NT5C1B: variants seen among roughly 807,000 people sequenced by gnomAD.
The protein encoded by NT5C1B is 5'-nucleotidase, cytosolic IB.
Under a neutral mutation model 57.8 loss-of-function variants are expected in NT5C1B, and 44 were observed. The observed-to-expected ratio is 0.76, with a 90% CI of 0.60 to 0.98. The LOEUF (loss-of-function observed/expected upper bound fraction) is 0.98. Ranked by LOEUF, NT5C1B falls within the 50% of genes least tolerant of loss-of-function variation. The pLI, the probability that NT5C1B is intolerant of heterozygous loss-of-function variation, is 0.00. For synonymous variants in NT5C1B, 284 were observed against 282.6 expected (o/e 1.00, Z -0.05); for missense variants, 742 against 719.5 (o/e 1.03, Z -0.36).
chr2:18,574,672 A>G (rs1665514098), intron 8 of NT5C1B, among the ~76,000 whole-genome samples: 2 of 152,138 alleles, frequency 1.3e-5, no homozygotes, highest in South Asian at 2.1e-4. Context: ...AAATACTACC[A>G]TTTGTAACAA....
At chr2:18,587,431 C>T (rs1014115006) in intron 2 of NT5C1B, 72 bp downstream of exon 2, 2 of 1,586,708 alleles carry the variant, frequency 1.3e-6, no homozygotes, top group Non-Finnish European at 8.5e-7. Context: ...CCAGAACTCC[C>T]TGCCCCCTAA....
chr2:18,569,724 T>C (rs1664980556), intron 8 of NT5C1B, among the ~76,000 whole-genome samples: 1 of 152,018 alleles, frequency 6.6e-6, no homozygotes, highest in African/African-American at 2.4e-5. Context: ...ACTGATAAAA[T>C]TGAAAGGATA....
At chr2:18,569,149 T>C (rs1364934666) in intron 8 of NT5C1B, among the ~76,000 whole-genome samples, 1 of 152,174 alleles carries the variant, frequency 6.6e-6, no homozygotes, top group African/African-American at 2.4e-5. Flanking sequence ...ACAGTACATA[T>C]GATGTTGTAG....
intron 5 of NT5C1B, chr2:18,583,844 T>C (rs202177197): frequency 2.5e-4 from 172 of 690,662 alleles, no homozygotes; most frequent in Non-Finnish European, 4.3e-4. Context: ...ACAAGTCTCA[T>C]GATTAGGACT....
chr2:18,583,572 T>A (rs1572370524), intron 5 of NT5C1B: 1 of 321,314 alleles, frequency 3.1e-6, no homozygotes, highest in East Asian at 7.7e-5. Context: ...GGTTATGATG[T>A]TATTGTGTAA....
chr2:18,581,465 G>C (rs368593007), intron 6 of NT5C1B, among the ~76,000 whole-genome samples: 4 of 151,856 alleles, frequency 2.6e-5, no homozygotes, highest in Non-Finnish European at 5.9e-5. Context: ...GATAAACTGG[G>C]TAGCTGCACA....
intron 8 of NT5C1B, among the ~76,000 whole-genome samples, chr2:18,565,254 G>C (rs151263073): frequency 6.6e-6 from 1 of 151,804 alleles, no homozygotes; most frequent in Admixed American, 6.6e-5. Context: ...TCATTTGTAC[G>C]GTTGTTTTAG....
chr2:18,586,442 T>C (rs1402633745), intron 2 of NT5C1B, 51 bp from the exon 3 acceptor site: 1 of 1,603,638 alleles, frequency 6.2e-7, no homozygotes, highest in Non-Finnish European at 8.5e-7. Context: ...CACCAACTCC[T>C]TCTATACGTG....
intron 8 of NT5C1B, among the ~76,000 whole-genome samples, chr2:18,567,005 G>C (rs1264115689): frequency 6.6e-6 from 1 of 152,134 alleles, no homozygotes; most frequent in Non-Finnish European, 1.5e-5. Context: ...AGCAATTCAA[G>C]TAATTTCAAA....
chr2:18,587,711 G>A lies in NT5C1B; in HGVS notation c.31-119C>T, dbSNP rs1666847780. 11 of 1,175,696 alleles carry A rather than the reference G, an allele frequency of 9.4e-6. No individual in the cohort carries two copies. The South Asian group carries it at 1.3e-4, about 14-fold the overall frequency. 72.8% of individuals were successfully genotyped at this position (1,175,696 alleles called of 1,614,324 possible). On this transcript the variant is annotated intron_variant, in intron 1 of 8. Transcript: ENST00000304081. ...TTTATTTATTTGCCAATATAAAAAG[G>A]TATAAACTCTAGACCTTAGTTTCCC...
At chr2:18,571,933 A>G (rs1175102039) in intron 8 of NT5C1B, among the ~76,000 whole-genome samples, 1 of 150,760 alleles carries the variant, frequency 6.6e-6, no homozygotes, top group Non-Finnish European at 1.5e-5. Context: ...TAAAAATACA[A>G]AAATTAACTG....
In NT5C1B at chr2:18,584,682, G is replaced by C; in HGVS notation, c.555C>G (p.Ser185=). Residue 185 remains serine, a synonymous_variant, in exon 4 of 9, where the codon TCC becomes TCG. Transcript: ENST00000304081. The surrounding 1 kb of genome is among the most constrained non-coding windows in gnomAD (Gnocchi z 5.8). ...GGTAGATCCCCCTGCGCTGGCTGGA[G>C]GACTTCCACTCGGTGGGGGACGTGC... 6.2e-7 allele frequency: 1 copy of C among 1,612,158 alleles called. No homozygotes were observed. Among genetic ancestry groups the C allele is most frequent in the Non-Finnish European group, 8.5e-7 (1 of 1,178,854 alleles).
chr2:18,584,517 C>G lies in NT5C1B; in HGVS notation c.720G>C (p.Trp240Cys). Reference sequence around the variant, plus strand: ...CAGGGGCGGCGGGCTGGCTCACCGGCCAGGGGCGCGAGCAGCTCGGGTTCT... The same window carrying G: ...CAGGGGCGGCGGGCTGGCTCACCGGGCAGGGGCGCGAGCAGCTCGGGTTCT... Residue 240 changes from tryptophan to cysteine, a missense_variant, in exon 4 of 9, where the codon TGG becomes TGC. Coordinates refer to ENST00000304081, the Ensembl canonical transcript of NT5C1B. The surrounding 1 kb of genome is among the most constrained non-coding windows in gnomAD (Gnocchi z 5.8). 1 of 1,608,598 alleles carries G rather than the reference C, an allele frequency of 6.2e-7. No individual in the cohort carries two copies. Among genetic ancestry groups the G allele is most frequent in the East Asian group, 2.2e-5 (1 of 44,556 alleles).
At chr2:18,570,352 C>A (rs1379013241) in intron 8 of NT5C1B, among the ~76,000 whole-genome samples, 1 of 151,756 alleles carries the variant, frequency 6.6e-6, no homozygotes, top group African/African-American at 2.4e-5. Context: ...CCAAGAAAAA[C>A]AACAACAAAA....
At chr2:18,563,852 C>T (rs1331312609) in exon 9 of NT5C1B, 1 of 1,611,082 alleles carries the variant, frequency 6.2e-7, no homozygotes, top group Non-Finnish European at 8.5e-7. Context: ...AACCTCTGTG[C>T]CCCTTCAATG....
In NT5C1B at chr2:18,584,735, G is replaced by A. The variant is rs373347393; in HGVS notation, c.502C>T (p.Arg168Trp). 32 of 1,613,144 alleles carry A rather than the reference G, an allele frequency of 2.0e-5. No individual in the cohort carries two copies. In the East Asian group the frequency reaches 2.9e-4, roughly 15 times the overall value. ...GAATATTCCAGCGGCTGCGAGTCCC[G>A]GGTCTGGCGGATTTCCCGCACGATG... The change falls in exon 4 of 9, where the codon CGG (arginine) becomes TGG (tryptophan). Residue 168 changes from arginine (R) to tryptophan (W), a missense_variant. Transcript: ENST00000304081. The surrounding 1 kb of genome is among the most constrained non-coding windows in gnomAD (Gnocchi z 5.8).
In NT5C1B at chr2:18,584,401, C is replaced by A; in HGVS notation, c.723+113G>T. The A allele has an allele frequency of 6.6e-7, 1 of 1,525,466 alleles. No individual in the cohort carries two copies. Among genetic ancestry groups the A allele is most frequent in the East Asian group, 2.3e-5 (1 of 42,558 alleles). The allele number at this position is 1,525,466 out of a possible 1,614,324, so 94.5% of individuals were successfully genotyped here. On this transcript the variant is annotated intron_variant, in intron 4 of 8. Transcript: ENST00000304081. This position sits in a 1 kb window ranked among gnomAD's most constrained non-coding sequence, Gnocchi z 5.8. Reference sequence around the variant, plus strand: ...GGAGACAGCTGAGGCTGGGACTCCCCGAAGTTTGGGGAGGAGAAGCGGGAG... The same window carrying A: ...GGAGACAGCTGAGGCTGGGACTCCCAGAAGTTTGGGGAGGAGAAGCGGGAG...
At chr2:18,573,648 T>C (rs1665408887) in intron 8 of NT5C1B, among the ~76,000 whole-genome samples, 1 of 152,032 alleles carries the variant, frequency 6.6e-6, no homozygotes, top group African/African-American at 2.4e-5. Flanking sequence ...GTTTCAGACC[T>C]CTTCCATTTG....
chr2:18,576,268 A>G (rs530185449), exon 8 of NT5C1B: 10 of 1,613,880 alleles, frequency 6.2e-6, no homozygotes, highest in Non-Finnish European at 8.5e-6. Flanking sequence ...GTTCAGACTC[A>G]TCAGAGAAGA....
Sources: allele counts gnomAD v4.1 joint callset (sites outside exome capture counted in the v4.1 genomes callset), GRCh38; gene constraint gnomAD v4.1.1; non-coding constraint Gnocchi (gnomAD v3.1); transcripts MANE v1.5; gene names NCBI Gene and HGNC (gene_info 2026-07-23, HGNC 2026-07-21).